TBC1D32: variants seen among roughly 807,000 people sequenced by gnomAD.
The protein encoded by TBC1D32 is protein broad-minded.
TBC1D32 carries 151 observed loss-of-function variants against 170.3 expected under a neutral mutation model. That is an observed-to-expected ratio of 0.89 (90% CI 0.78 to 1.01). The LOEUF (loss-of-function observed/expected upper bound fraction) is 1.01, where lower values mean the gene tolerates loss of function less well. Ranked by LOEUF, TBC1D32 falls within the 50% of genes least tolerant of loss-of-function variation. The pLI, the probability that TBC1D32 is intolerant of heterozygous loss-of-function variation, is 0.00. For synonymous variants in TBC1D32, 498 were observed against 488.0 expected (o/e 1.02, Z -0.27); for missense variants, 1,464 against 1,457.1 (o/e 1.00, Z -0.08).
chr6:121,321,559 G>A (rs1809707983), intron 2 of TBC1D32, 74 bp downstream of exon 2: 1 of 1,394,032 alleles, frequency 7.2e-7, no homozygotes, highest in Admixed American at 1.9e-5. Flanking sequence ...GACTGTGAGG[G>A]ACAGAGATCA....
intron 22 of TBC1D32, among the ~76,000 whole-genome samples, chr6:121,198,254 A>G (rs1335916295): frequency 7.0e-6 from 1 of 142,380 alleles, no homozygotes; most frequent in Non-Finnish European, 1.5e-5. Context: ...TATTATATAT[A>G]TATATAATAT....
intron 22 of TBC1D32, chr6:121,170,401 T>G (rs1344884132): frequency 2.0e-5 from 32 of 1,597,982 alleles, no homozygotes; most frequent in Non-Finnish European, 2.6e-5. Context: ...TCACCCATTT[T>G]TACCTGTGGC....
At chr6:121,095,942 T>G (rs144898592) in intron 30 of TBC1D32, 2,538 of 152,294 alleles carry the variant, frequency 0.017, 36 homozygotes, top group Non-Finnish European at 0.025. Context: ...GATGCTGGCC[T>G]TATAAAATGA....
In TBC1D32 at chr6:121,294,579, T is replaced by C. The variant is rs985658256; in HGVS notation, c.1222A>G (p.Lys408Glu). 5.6e-6 allele frequency: 9 copies of C among 1,610,842 alleles called. No individual in the cohort carries two copies. Among genetic ancestry groups the C allele is most frequent in the Non-Finnish European group, 7.6e-6 (9 of 1,178,558 alleles). ...AGGAAATAATACTTACTGCAATGCT[T>C]TGAATGTCCCAAAGTTTCATCAGCT... ...RKADETLGHS[K>E]HCRNKQKTFY... Residue 408 changes from lysine to glutamate, a missense_variant, in exon 11 of 32, where the codon AAG becomes GAG. By Grantham distance (56) the Lys-to-Glu change is moderately conservative. Coordinates refer to ENST00000398212, the MANE Select transcript of TBC1D32 (RefSeq NM_152730.6).
intron 30 of TBC1D32, 97 bp from the exon 31 acceptor site, chr6:121,091,138 A>G (rs1397248458): frequency 4.1e-6 from 4 of 975,066 alleles, no homozygotes; most frequent in African/African-American, 3.3e-5. Context: ...AAACCAGTGA[A>G]AAGCTTAGGG....
intron 1 of TBC1D32, among the ~76,000 whole-genome samples, chr6:121,322,071 T>G (rs933910404): frequency 3.9e-5 from 6 of 152,190 alleles, no homozygotes; most frequent in African/African-American, 1.4e-4. Context: ...TACATTTCTT[T>G]TTTATGCTCC....
intron 17 of TBC1D32, among the ~76,000 whole-genome samples, chr6:121,242,723 T>C (rs140571406): frequency 3.7e-4 from 57 of 152,266 alleles, no homozygotes; most frequent in African/African-American, 1.3e-3. Context: ...CATTATAAAG[T>C]ATCTGTCTTC....
At chr6:121,273,692 G>A (rs1430628441) in intron 15 of TBC1D32, among the ~76,000 whole-genome samples, 1 of 150,658 alleles carries the variant, frequency 6.6e-6, no homozygotes, top group Non-Finnish European at 1.5e-5. Context: ...GTCTGCTTAT[G>A]CATTTTAAGT....
intron 22 of TBC1D32, among the ~76,000 whole-genome samples, chr6:121,197,111 G>T (rs1174994991): frequency 6.6e-6 from 1 of 152,202 alleles, no homozygotes. Flanking sequence ...GAGTTACAGT[G>T]TTCACTGGGG....
intron 22 of TBC1D32, among the ~76,000 whole-genome samples, chr6:121,173,097 G>A (rs1225138741): frequency 6.6e-6 from 1 of 152,098 alleles, no homozygotes; most frequent in African/African-American, 2.4e-5. Flanking sequence ...CAGTGGGCTA[G>A]GAAAGGCAGA....
intron 24 of TBC1D32, among the ~76,000 whole-genome samples, chr6:121,135,453 G>A (rs1192502327): frequency 2.6e-5 from 4 of 152,138 alleles, no homozygotes; most frequent in Non-Finnish European, 4.4e-5. Flanking sequence ...TAGCCAATGG[G>A]CAGTGCAGGA....
At chr6:121,207,226 T>G (rs181968295) in intron 21 of TBC1D32, among the ~76,000 whole-genome samples, 2 of 152,144 alleles carry the variant, frequency 1.3e-5, no homozygotes, top group African/African-American at 4.8e-5. Context: ...GTTCTATGCA[T>G]AGTAGTTTCT....
At chr6:121,283,537 T>A (rs1056234828) in intron 13 of TBC1D32, among the ~76,000 whole-genome samples, 1 of 151,876 alleles carries the variant, frequency 6.6e-6, no homozygotes, top group African/African-American at 2.4e-5. Context: ...CCCAGTATCA[T>A]GTCTTGAGAA....
In TBC1D32 at chr6:121,197,275, C is replaced by T. The variant is rs549702767; in HGVS notation, c.2570+7800G>A. On this transcript the variant is annotated intron_variant, in intron 22 of 31. Transcript: ENST00000398212. ...AATGGGAAACTACAACAGCCCAATC[C>T]AGGCAGGACTACAAATGGTCCAGAC... 3.3e-5 allele frequency among the ~76,000 whole-genome samples: 5 copies of T among 152,296 alleles called. No individual in the cohort carries two copies. In the South Asian group the frequency reaches 8.3e-4, roughly 25 times the overall value.
chr6:121,080,719 T>A lies in TBC1D32; in HGVS notation c.*52A>T. 6.4e-7 allele frequency: 1 copy of A among 1,572,148 alleles called. No homozygotes were observed. The highest frequency in any genetic ancestry group is 1.2e-5 in the South Asian group (1 of 83,942). ...GACACAGAAAAACATCAAGCCCCCC[T>A]GCTGTGTTTAAAAATAAATAAAACC... On this transcript the variant is annotated 3_prime_UTR_variant, in exon 32 of 32. Transcript: ENST00000398212.
At chr6:121,268,717 C>A (rs531987125) in intron 15 of TBC1D32, among the ~76,000 whole-genome samples, 1 of 152,084 alleles carries the variant, frequency 6.6e-6, no homozygotes, top group African/African-American at 2.4e-5. Flanking sequence ...ACTTCCCCAA[C>A]CTAGCAAGGC....
intron 21 of TBC1D32, among the ~76,000 whole-genome samples, chr6:121,213,712 T>C (rs1183234539): frequency 6.6e-6 from 1 of 152,110 alleles, no homozygotes; most frequent in African/African-American, 2.4e-5. Context: ...ACGATGGGCA[T>C]ACTGCCCAAA....
At chr6:121,160,870 AG>A in intron 23 of TBC1D32, 77 bp downstream of exon 23, 1 of 1,055,564 alleles carries the variant, frequency 9.5e-7, no homozygotes, top group African/African-American at 1.6e-5. Flanking sequence ...GGTAAAGTTT[AG>A]GGTGACTTTG....
chr6:121,207,100 T>C (rs1792374660), intron 21 of TBC1D32, among the ~76,000 whole-genome samples: 1 of 152,224 alleles, frequency 6.6e-6, no homozygotes, highest in Admixed American at 6.5e-5. Context: ...ATTGTAATTT[T>C]AGAGAAATGA....
Sources: gnomAD v4.1 joint callset for allele counts (sites outside exome capture counted in the v4.1 genomes callset) on GRCh38, gnomAD v4.1.1 for gene constraint, MANE v1.5 for transcripts, NCBI Gene and HGNC (gene_info 2026-07-23, HGNC 2026-07-21) for gene names.